Variants in ZNF221 observed in about 807,000 individuals in gnomAD.
The protein encoded by ZNF221 is zinc finger protein 221.
Under a neutral mutation model 12.6 loss-of-function variants are expected in ZNF221, and 10 were observed. The observed-to-expected ratio is 0.79, with a 90% CI of 0.49 to 1.34. The LOEUF (loss-of-function observed/expected upper bound fraction) is 1.34. Ranked by LOEUF, ZNF221 falls within the 40% of genes most tolerant of loss-of-function variation. ZNF221 has a pLI of 0.00. For synonymous variants in ZNF221, 232 were observed against 244.0 expected (o/e 0.95, Z 0.46); for missense variants, 661 against 721.4 (o/e 0.92, Z 0.96).
In ZNF221 at chr19:43,953,003, C is replaced by T. The variant is rs186566361; in HGVS notation, c.-3+1603C>T. On this transcript the variant is annotated intron_variant, in intron 1 of 4. Coordinates refer to ENST00000587682, the MANE Select transcript of ZNF221 (RefSeq NM_001297588.2). ...ATTTTCTGAGACAGAGTCTCACTCT[C>T]ATGCCCAGGATGGAGTGCAGTGGCA... 6.1e-4 allele frequency among the ~76,000 whole-genome samples: 93 copies of T among 152,194 alleles called. 1 individual carries two copies. The highest frequency in any genetic ancestry group is 6.8e-3 in the Middle Eastern group (2 of 294).
chr19:43,962,183 T>C (rs1974854850), intron 1 of ZNF221, among the ~76,000 whole-genome samples: 1 of 152,214 alleles, frequency 6.6e-6, no homozygotes, highest in African/African-American at 2.4e-5. Flanking sequence ...AGGTGTATTT[T>C]ACATGTCATA....
the ZNF221 span, among the ~76,000 whole-genome samples, chr19:43,973,886 GA>G: frequency 3.3e-5 from 5 of 150,932 alleles, no homozygotes; most frequent in African/African-American, 4.9e-5. Context: ...CACAGAATTA[GA>G]AAAAAAAACC....
the ZNF221 span, among the ~76,000 whole-genome samples, chr19:43,975,815 T>C: frequency 6.6e-6 from 1 of 152,232 alleles, no homozygotes; most frequent in African/African-American, 2.4e-5. Context: ...ACCTTTATTT[T>C]GATTATTATC....
At chr19:43,970,181 A>G (rs73050195), downstream of ZNF221, among the ~76,000 whole-genome samples, 16,873 of 136,488 alleles carry the variant, frequency 0.12, 994 homozygotes, top group East Asian at 0.15. Context: ...TACAGTTGCT[A>G]ACAGTCAGTG....
intron 1 of ZNF221, among the ~76,000 whole-genome samples, chr19:43,956,955 G>A (rs1451351403): frequency 6.6e-6 from 1 of 152,212 alleles, no homozygotes; most frequent in Non-Finnish European, 1.5e-5. Flanking sequence ...AAGAAGATTT[G>A]TAAACAGAAA....
chr19:43,973,255 A>G, the ZNF221 span, among the ~76,000 whole-genome samples: 4 of 152,160 alleles, frequency 2.6e-5, no homozygotes, highest in Non-Finnish European at 4.4e-5. Flanking sequence ...ACCTCAAAAT[A>G]ATAAGAGCCA....
At chr19:43,977,829 A>T in the ZNF221 span, among the ~76,000 whole-genome samples, 1 of 152,206 alleles carries the variant, frequency 6.6e-6, no homozygotes, top group African/African-American at 2.4e-5. Context: ...ATGCTGTGCC[A>T]GTTTGGATAG....
intron 1 of ZNF221, among the ~76,000 whole-genome samples, chr19:43,960,679 C>T (rs1288901846): frequency 1.3e-5 from 2 of 152,230 alleles, no homozygotes; most frequent in African/African-American, 2.4e-5. Flanking sequence ...ACTCTGGCTC[C>T]AGCCTCAGCT....
Position 43,967,432 on chromosome 19 carries a change from C to A in ZNF221, c.*76C>A. 4.5e-6 allele frequency: 5 copies of A among 1,119,790 alleles called. No homozygotes were observed. The highest frequency in any genetic ancestry group is 3.0e-5 in the South Asian group (2 of 67,630). The allele number at this position is 1,119,790 out of a possible 1,614,324, so 69.4% of individuals were successfully genotyped here. ...ATCAATTCTCCACAGCAGAGAAAAACCATTCAAATATGAGAACTGTGGGAA... is the reference window on the plus strand; with the variant it reads ...ATCAATTCTCCACAGCAGAGAAAAAACATTCAAATATGAGAACTGTGGGAA... On this transcript the variant is annotated 3_prime_UTR_variant, in exon 5 of 5. Coordinates refer to ENST00000587682, the MANE Select transcript of ZNF221 (RefSeq NM_001297588.2).
chr19:43,964,476 G>A (rs139540846), intron 2 of ZNF221, among the ~76,000 whole-genome samples: 14 of 152,148 alleles, frequency 9.2e-5, no homozygotes, highest in Non-Finnish European at 1.9e-4. Flanking sequence ...TCCCACACAG[G>A]TCACCATATA....
the ZNF221 span, among the ~76,000 whole-genome samples, chr19:43,979,422 C>CATATATATATATATATATATATATATAT: frequency 4.8e-4 from 66 of 138,554 alleles, no homozygotes; most frequent in African/African-American, 1.6e-3. Context: ...AACAGTAATA[C>CATATATATATATATATATATATATATAT]ATATATATAT....
chr19:43,963,204 C>T (rs892240417), intron 2 of ZNF221, among the ~76,000 whole-genome samples: 1 of 151,966 alleles, frequency 6.6e-6, no homozygotes, highest in African/African-American at 2.4e-5. Flanking sequence ...ATCATAGTCC[C>T]AATGAATTAA....
At chr19:43,964,122 T>C (rs944703507) in intron 2 of ZNF221, among the ~76,000 whole-genome samples, 1 of 152,132 alleles carries the variant, frequency 6.6e-6, no homozygotes, top group African/African-American at 2.4e-5. Flanking sequence ...ATTTTTGCCC[T>C]GGAATACTTT....
chr19:43,971,227 A>G (rs983077844), downstream of ZNF221, among the ~76,000 whole-genome samples: 5 of 152,228 alleles, frequency 3.3e-5, no homozygotes, highest in Admixed American at 2.0e-4. Flanking sequence ...CATCACCACC[A>G]GGCCTTCCTT....
At chr19:43,960,284 C>T (rs1568475880) in intron 1 of ZNF221, 1 of 152,144 alleles carries the variant, frequency 6.6e-6, no homozygotes, top group Non-Finnish European at 1.5e-5. Context: ...CTGGCTGCCT[C>T]ACTGCTTCAA....
At chr19:43,980,728 C>T in the ZNF221 span, among the ~76,000 whole-genome samples, 3 of 152,168 alleles carry the variant, frequency 2.0e-5, no homozygotes, top group Non-Finnish European at 4.4e-5. Context: ...GCCCTTCCTA[C>T]GATCAAAAAA....
Position 43,967,243 on chromosome 19 carries a change from C to T in ZNF221, c.1741C>T (p.Gln581Ter). The T allele has an allele frequency of 6.2e-7, 1 of 1,614,098 alleles. No homozygotes were observed. The highest frequency in any genetic ancestry group is 8.5e-7 in the Non-Finnish European group (1 of 1,180,016). The stretch of plus-strand genomic sequence containing the variant: ...CTGGGCTTCATGTCTTTTGAAACAT[C>T]AGAGACTCCACAGTGGAGAAAAGCC... Reference protein sequence around the residue: ...FGWASCLLKHQRLHSGEKPLK... With the variant: ...FGWASCLLKH Residue 581 changes from glutamine (Q) to a stop codon, truncating the protein, a stop_gained, in exon 5 of 5, where the codon CAG becomes TAG. Coordinates refer to ENST00000587682, the MANE Select transcript of ZNF221 (RefSeq NM_001297588.2). LOFTEE classifies it low-confidence loss of function (END_TRUNC).
At chr19:43,964,455 A>G (rs1346403231) in intron 2 of ZNF221, among the ~76,000 whole-genome samples, 1 of 152,234 alleles carries the variant, frequency 6.6e-6, no homozygotes, top group Non-Finnish European at 1.5e-5. Flanking sequence ...AGAGGATGCA[A>G]TGCATAGCTG....
At chr19:43,969,334 C>G (rs926628436), downstream of ZNF221, among the ~76,000 whole-genome samples, 4 of 57,968 alleles carry the variant, frequency 6.9e-5, no homozygotes, top group African/African-American at 2.9e-4. Context: ...CAGACTGCTG[C>G]TTTTTTTTTT....
Sources: allele counts gnomAD v4.1 joint callset (sites outside exome capture counted in the v4.1 genomes callset), GRCh38; gene constraint gnomAD v4.1.1; transcripts MANE v1.5; gene names NCBI Gene and HGNC (gene_info 2026-07-23, HGNC 2026-07-21).